NAALAD2: variants seen among roughly 807,000 people sequenced by gnomAD.
NAALAD2 encodes N-acetylated alpha-linked acidic dipeptidase 2, also known as N-acetylated-alpha-linked acidic dipeptidase 2.
A neutral mutation model predicts 95.6 loss-of-function variants in NAALAD2; 89 were observed. The observed-to-expected ratio is 0.93, with a 90% CI of 0.78 to 1.11. NAALAD2 has a LOEUF of 1.11. NAALAD2 is among the 50% of genes least tolerant of loss of function. The pLI, the probability that NAALAD2 is intolerant of heterozygous loss-of-function variation, is 0.00. For missense variants in NAALAD2, 894 were observed against 872.4 expected, an observed-to-expected ratio of 1.02 and a Z score of -0.31; for synonymous variants, 264 against 294.4, an observed-to-expected ratio of 0.90 and a Z score of 1.06.
chr11:90,179,432 TG>T (rs1170738267), intron 16 of NAALAD2, among the ~76,000 whole-genome samples: 4 of 151,646 alleles, frequency 2.6e-5, no homozygotes, highest in Non-Finnish European at 4.4e-5. Flanking sequence ...ACACAGAAAA[TG>T]GGTATGGAAT....
intron 6 of NAALAD2, among the ~76,000 whole-genome samples, chr11:90,154,213 G>A (rs2134878493): frequency 6.6e-6 from 1 of 151,822 alleles, no homozygotes; most frequent in African/African-American, 2.4e-5. Flanking sequence ...AGACATACTT[G>A]CTTTTTATTT....
At chr11:90,143,738 T>G (rs1234723859) in intron 2 of NAALAD2, among the ~76,000 whole-genome samples, 2 of 152,218 alleles carry the variant, frequency 1.3e-5, no homozygotes, top group Admixed American at 1.3e-4. Context: ...CCCTGACTTA[T>G]GATGGTTTGA....
chr11:90,160,198 G>A (rs1009369499), intron 8 of NAALAD2, among the ~76,000 whole-genome samples: 1 of 152,122 alleles, frequency 6.6e-6, no homozygotes. Context: ...ATTGAGCTTA[G>A]TCTTACAGAA....
intron 2 of NAALAD2, among the ~76,000 whole-genome samples, chr11:90,140,041 T>C (rs7116901): frequency 0.45 from 68,128 of 151,834 alleles, 16,259 homozygotes; most frequent in African/African-American, 0.61. Context: ...GTACTAAACA[T>C]GGTAAGAACT....
intron 18 of NAALAD2, 68 bp from the exon 19 acceptor site, chr11:90,191,490 C>G: frequency 8.4e-7 from 1 of 1,197,222 alleles, no homozygotes; most frequent in Non-Finnish European, 1.1e-6. Context: ...ATCATGTGGT[C>G]TAAACAAAAA....
intron 13 of NAALAD2, among the ~76,000 whole-genome samples, chr11:90,171,514 G>A (rs780185872): frequency 6.6e-6 from 1 of 152,142 alleles, no homozygotes; most frequent in African/African-American, 2.4e-5. Context: ...TTTATGATTT[G>A]TGCTGTCCTA....
intron 6 of NAALAD2, among the ~76,000 whole-genome samples, chr11:90,156,652 C>G (rs1952126353): frequency 6.6e-6 from 1 of 152,072 alleles, no homozygotes; most frequent in South Asian, 2.1e-4. Context: ...GTGGTCCAAC[C>G]ATCGCTCACT....
intron 11 of NAALAD2, among the ~76,000 whole-genome samples, chr11:90,165,423 T>A (rs1952413788): frequency 6.6e-6 from 1 of 152,222 alleles, no homozygotes; most frequent in Non-Finnish European, 1.5e-5. Flanking sequence ...AGTTATCATT[T>A]ATAAGTCCAG....
At chr11:90,188,496 G>T (rs1943354) in intron 18 of NAALAD2, among the ~76,000 whole-genome samples, 70,975 of 151,960 alleles carry the variant, frequency 0.47, 17,546 homozygotes, top group Non-Finnish European at 0.56. Flanking sequence ...GGAAGTACAA[G>T]ATCAGTGTCA....
chr11:90,185,515 T>G (rs34732650), intron 18 of NAALAD2, among the ~76,000 whole-genome samples: 18,768 of 151,934 alleles, frequency 0.12, 1,250 homozygotes, highest in South Asian at 0.17. Flanking sequence ...TACAAAAAAT[T>G]TTTTAAAGTA....
chr11:90,167,752 A>G (rs1015864859), intron 11 of NAALAD2, among the ~76,000 whole-genome samples: 1 of 152,004 alleles, frequency 6.6e-6, no homozygotes, highest in Non-Finnish European at 1.5e-5. Flanking sequence ...ACCAATCCAC[A>G]CTCTATATCT....
In NAALAD2 at chr11:90,177,877, C is replaced by A. The variant is rs1423155640; in HGVS notation, c.1618C>A (p.Pro540Thr). 1.2e-6 allele frequency: 2 copies of A among 1,613,176 alleles called. No homozygotes were observed. Among genetic ancestry groups the A allele is most frequent in the Admixed American group, 1.7e-5 (1 of 59,942 alleles). Residue 540 changes from proline (P) to threonine (T), a missense_variant, in exon 16 of 19, where the codon CCA (proline) becomes ACA (threonine). Pro to Thr is a conservative substitution (Grantham distance 38, BLOSUM62 -1). Coordinates refer to ENST00000534061, the MANE Select transcript of NAALAD2 (RefSeq NM_005467.4). ...GAAAACAGATAAGTACAGCAGCTAC[C>A]CAGTGTACCACACAATTTATGAGAC... ...NKKTDKYSSY[P>T]VYHTIYETFE...
intron 18 of NAALAD2, among the ~76,000 whole-genome samples, chr11:90,187,265 G>T (rs189398733): frequency 2.6e-5 from 4 of 151,996 alleles, no homozygotes; most frequent in Non-Finnish European, 5.9e-5. Flanking sequence ...TCAGTGTGGC[G>T]ATTCCTCAGG....
chr11:90,141,593 G>T (rs1951615928), intron 2 of NAALAD2, among the ~76,000 whole-genome samples: 1 of 64,772 alleles, frequency 1.5e-5, no homozygotes, highest in Non-Finnish European at 2.7e-5. Flanking sequence ...CTCTAAGAAG[G>T]TTTTGTTTGT....
intron 6 of NAALAD2, among the ~76,000 whole-genome samples, chr11:90,155,918 A>G (rs1003472916): frequency 5.5e-5 from 8 of 144,752 alleles, no homozygotes; most frequent in Non-Finnish European, 9.0e-5. Context: ...TATGTAATAT[A>G]TATGTAATGT....
At chr11:90,143,249 G>A (rs1951668803) in intron 2 of NAALAD2, among the ~76,000 whole-genome samples, 1 of 152,070 alleles carries the variant, frequency 6.6e-6, no homozygotes, top group Non-Finnish European at 1.5e-5. Context: ...ACTTCCTTAA[G>A]TATTTCCTGT....
At chr11:90,178,628 G>T (rs577092983) in intron 16 of NAALAD2, among the ~76,000 whole-genome samples, 12 of 150,858 alleles carry the variant, frequency 8.0e-5, no homozygotes, top group African/African-American at 2.7e-4. Context: ...CTGAGATCGC[G>T]CCACTGCACT....
intron 16 of NAALAD2, among the ~76,000 whole-genome samples, chr11:90,179,040 A>T (rs1048719309): frequency 1.3e-5 from 2 of 152,192 alleles, no homozygotes; most frequent in Non-Finnish European, 2.9e-5. Context: ...AAAGTTACTT[A>T]ACTTCTCTAT....
intron 12 of NAALAD2, 127 bp downstream of exon 12, chr11:90,169,119 C>T: frequency 3.4e-6 from 2 of 580,178 alleles, no homozygotes; most frequent in East Asian, 3.2e-5. Context: ...CCTCAGATAT[C>T]CCCTTCCTTT....
Sources: allele counts gnomAD v4.1 joint callset (sites outside exome capture counted in the v4.1 genomes callset), GRCh38; gene constraint gnomAD v4.1.1; transcripts MANE v1.5; gene names NCBI Gene and HGNC (gene_info 2026-07-23, HGNC 2026-07-21).